The following SDC2 variants were observed in gnomAD, a reference collection of about 807,000 sequenced individuals.
SDC2 encodes syndecan 2, also known as syndecan-2.
Under a neutral mutation model 22.2 loss-of-function variants are expected in SDC2, and 13 were observed. The ratio of observed to expected loss-of-function variants is 0.59; its 90% CI spans 0.38 to 0.93. SDC2 has a LOEUF of 0.93. SDC2 is among the 40% of genes least tolerant of loss of function. The pLI, the probability that SDC2 is intolerant of heterozygous loss-of-function variation, is 0.00. For missense variants in SDC2, 235 were observed against 246.8 expected, an observed-to-expected ratio of 0.95 and a Z score of 0.32; for synonymous variants, 94 against 92.8, an observed-to-expected ratio of 1.01 and a Z score of -0.07.
At chr8:96,545,926 C>G (rs761641272) in intron 1 of SDC2, among the ~76,000 whole-genome samples, 2 of 152,196 alleles carry the variant, frequency 1.3e-5, no homozygotes, top group Non-Finnish European at 2.9e-5. Flanking sequence ...AGAACTCTAG[C>G]TGGGAAATCA....
chr8:96,537,377 A>G (rs1813770390), intron 1 of SDC2: 1 of 152,178 alleles, frequency 6.6e-6, no homozygotes, highest in Non-Finnish European at 1.5e-5. Context: ...AGTGTCTTGA[A>G]TTGCTTGGGA....
chr8:96,494,085 G>A lies in SDC2; in HGVS notation c.-187G>A. 1 of 571,432 alleles carries A rather than the reference G, an allele frequency of 1.7e-6. No individual in the cohort carries two copies. Among genetic ancestry groups the A allele is most frequent in the South Asian group, 2.3e-5 (1 of 43,846 alleles). 35.4% of individuals were successfully genotyped at this position (571,432 alleles called of 1,614,324 possible). ...TTCCCGGGGCGCAGCTGCGGGCGGC[G>A]GGAGCAGGCGCAGGAGGAGGAAGCG... On this transcript the variant is annotated 5_prime_UTR_variant, in exon 1 of 5. Coordinates refer to ENST00000302190, the MANE Select transcript of SDC2 (RefSeq NM_002998.4).
At chr8:96,540,542 T>C (rs544728681) in intron 1 of SDC2, among the ~76,000 whole-genome samples, 55 of 148,568 alleles carry the variant, frequency 3.7e-4, no homozygotes, top group Non-Finnish European at 7.1e-4. Flanking sequence ...GTAACTTCAG[T>C]TGGGCCTGCC....
intron 1 of SDC2, among the ~76,000 whole-genome samples, chr8:96,520,412 C>T (rs1298380253): frequency 6.6e-6 from 1 of 152,144 alleles, no homozygotes. Flanking sequence ...CTTACTGTTT[C>T]TTGAAGTATT....
intron 1 of SDC2, among the ~76,000 whole-genome samples, chr8:96,530,626 T>A (rs1310061790): frequency 1.3e-5 from 2 of 152,148 alleles, no homozygotes; most frequent in Non-Finnish European, 2.9e-5. Context: ...AGAGTAAAAC[T>A]CTGTCTAAAA....
intron 1 of SDC2, among the ~76,000 whole-genome samples, chr8:96,540,914 C>T (rs1177053701): frequency 6.6e-6 from 1 of 152,006 alleles, no homozygotes; most frequent in African/African-American, 2.4e-5. Context: ...TAGAAGAGAG[C>T]CTTGGAGAAG....
At chr8:96,502,141 C>T (rs1259058490) in intron 1 of SDC2, among the ~76,000 whole-genome samples, 1 of 152,090 alleles carries the variant, frequency 6.6e-6, no homozygotes, top group Non-Finnish European at 1.5e-5. Context: ...GCTGGGGAGA[C>T]CTCACAATCA....
intron 1 of SDC2, among the ~76,000 whole-genome samples, chr8:96,543,629 T>A (rs1813886850): frequency 6.6e-6 from 1 of 152,190 alleles, no homozygotes. Context: ...CATAGGGTGC[T>A]CTAGGGTTGC....
intron 1 of SDC2, among the ~76,000 whole-genome samples, chr8:96,536,690 G>A (rs564643564): frequency 6.6e-6 from 1 of 152,328 alleles, no homozygotes; most frequent in South Asian, 2.1e-4. Context: ...TGTAGCAACA[G>A]TCAGCAAGGG....
intron 1 of SDC2, among the ~76,000 whole-genome samples, chr8:96,545,055 T>G (rs2589197): frequency 0.84 from 127,105 of 152,132 alleles, 53,520 homozygotes; most frequent in Non-Finnish European, 0.9. Context: ...GTATTATCCT[T>G]TTAGGCTAAG....
Position 96,508,546 on chromosome 8 carries a change from G to A in SDC2, c.60+14215G>A, listed in dbSNP as rs1234165748. Among the ~76,000 whole-genome samples the A allele has an allele frequency of 4.9e-5, 5 of 103,046 alleles. 2 individuals carry two copies. Among genetic ancestry groups the A allele is most frequent in the African/African-American group, 1.5e-4 (5 of 32,590 alleles). The allele number at this position is 103,046 out of a possible 152,430, so 67.6% of individuals were successfully genotyped here. On this transcript the variant is annotated intron_variant, in intron 1 of 4. Coordinates refer to ENST00000302190, the MANE Select transcript of SDC2 (RefSeq NM_002998.4). ...TTATAAATTTTATCATAACACAAAT[G>A]TATTTGAGTCAAGCTTTTTCAGAAA...
chr8:96,606,818 G>A (rs1815087984), intron 3 of SDC2, among the ~76,000 whole-genome samples: 1 of 152,132 alleles, frequency 6.6e-6, no homozygotes, highest in South Asian at 2.1e-4. Context: ...GGTCAGAGAA[G>A]GCTTCATTAA....
Position 96,579,529 on chromosome 8 carries a change from C to T in SDC2, c.61-13951C>T, listed in dbSNP as rs529428544. ...TCAGTCAGGATGTGACCACTTGGAA[C>T]CATGACTGTCTATAAACACAGGCTT... On this transcript the variant is annotated intron_variant, in intron 1 of 4. Coordinates refer to ENST00000302190, the MANE Select transcript of SDC2 (RefSeq NM_002998.4). Among the ~76,000 whole-genome samples the T allele has an allele frequency of 3.3e-5, 5 of 152,340 alleles. No individual in the cohort carries two copies. The South Asian group carries it at 1.0e-3, about 32-fold the overall frequency.
chr8:96,513,066 A>C (rs2130444343), intron 1 of SDC2, among the ~76,000 whole-genome samples: 1 of 152,312 alleles, frequency 6.6e-6, no homozygotes, highest in Middle Eastern at 3.4e-3. Context: ...TCCAAGACTA[A>C]GGCCTTTCTC....
At chr8:96,553,610 G>T (rs2130543470) in intron 1 of SDC2, among the ~76,000 whole-genome samples, 1 of 151,760 alleles carries the variant, frequency 6.6e-6, no homozygotes, top group East Asian at 1.9e-4. Context: ...CTATTTTTTG[G>T]CAACAAGAAC....
chr8:96,529,751 T>C (rs1345783141), intron 1 of SDC2, among the ~76,000 whole-genome samples: 1 of 152,148 alleles, frequency 6.6e-6, no homozygotes, highest in Non-Finnish European at 1.5e-5. Flanking sequence ...TCTTCCCTTA[T>C]TTTTCCCCTT....
At chr8:96,555,098 G>A (rs1000764255) in intron 1 of SDC2, among the ~76,000 whole-genome samples, 5 of 151,910 alleles carry the variant, frequency 3.3e-5, no homozygotes, top group Non-Finnish European at 7.4e-5. Context: ...TTTTTCTGCA[G>A]TGTATTTTTG....
chr8:96,497,514 G>A (rs927161860), intron 1 of SDC2, among the ~76,000 whole-genome samples: 2 of 152,160 alleles, frequency 1.3e-5, no homozygotes, highest in Non-Finnish European at 2.9e-5. Context: ...AGCCTACCCT[G>A]TGTAATATGA....
intron 1 of SDC2, among the ~76,000 whole-genome samples, chr8:96,568,998 TTCCTCC>T (rs1563664934): frequency 6.6e-6 from 1 of 152,142 alleles, no homozygotes; most frequent in African/African-American, 2.4e-5. Context: ...TGCTCACTGC[TTCCTCC>T]TCCTTGTTTT....
Sources: gnomAD v4.1 joint callset for allele counts (sites outside exome capture counted in the v4.1 genomes callset) on GRCh38, gnomAD v4.1.1 for gene constraint, MANE v1.5 for transcripts, NCBI Gene and HGNC (gene_info 2026-07-23, HGNC 2026-07-21) for gene names.